Variants in PTPRM observed in about 807,000 individuals in gnomAD.
The protein encoded by PTPRM is receptor-type tyrosine-protein phosphatase mu.
PTPRM carries 47 observed loss-of-function variants against 186.7 expected under a neutral mutation model. The ratio of observed to expected loss-of-function variants is 0.25; its 90% CI spans 0.20 to 0.32. The LOEUF is 0.32. PTPRM is among the 10% of genes least tolerant of loss of function. The probability of loss-of-function intolerance (pLI) is 1.00; values close to 1 mark genes in which losing one functional copy is unlikely to be tolerated. For synonymous variants in PTPRM, 668 were observed against 674.9 expected (o/e 0.99, Z 0.16); for missense variants, 1,494 against 1,865.0 (o/e 0.80, Z 3.66).
chr18:8,299,018 A>G (rs937004326), intron 20 of PTPRM, among the ~76,000 whole-genome samples: 13 of 152,174 alleles, frequency 8.5e-5, no homozygotes, highest in Non-Finnish European at 1.3e-4. Context: ...CAGGAGGCGG[A>G]GGCAGGCAAA....
chr18:7,890,469 A>G (rs1188109588), intron 3 of PTPRM, among the ~76,000 whole-genome samples: 1 of 152,152 alleles, frequency 6.6e-6, no homozygotes, highest in Admixed American at 6.5e-5. Flanking sequence ...TTGTAGGCAT[A>G]TACCTACAAC....
intron 1 of PTPRM, among the ~76,000 whole-genome samples, chr18:7,650,892 T>A (rs2038685498): frequency 6.6e-6 from 1 of 151,298 alleles, no homozygotes; most frequent in African/African-American, 2.4e-5. Context: ...CAATGTAAAA[T>A]GCAAAGTTAT....
chr18:7,883,033 C>T (rs2048586997), intron 2 of PTPRM, among the ~76,000 whole-genome samples: 1 of 152,154 alleles, frequency 6.6e-6, no homozygotes, highest in Admixed American at 6.5e-5. Context: ...TCTTAAGAAG[C>T]TTCTAAGTCT....
chr18:7,701,479 A>G (rs942087458), intron 1 of PTPRM, among the ~76,000 whole-genome samples: 1 of 151,880 alleles, frequency 6.6e-6, no homozygotes, highest in African/African-American at 2.4e-5. Flanking sequence ...GCGTGCGTGT[A>G]GTCCCAGCTA....
chr18:8,017,313 C>T (rs796497293), intron 7 of PTPRM, among the ~76,000 whole-genome samples: 5 of 151,856 alleles, frequency 3.3e-5, no homozygotes, highest in East Asian at 1.9e-4. Context: ...CTGAGGCAGG[C>T]GGATCACAAG....
At chr18:7,691,446 G>GTTCA (rs1568032418) in intron 1 of PTPRM, among the ~76,000 whole-genome samples, 4 of 149,032 alleles carry the variant, frequency 2.7e-5, no homozygotes, top group Non-Finnish European at 4.5e-5. Flanking sequence ...ACCGATGTTT[G>GTTCA]TGGGAGGAGT....
chr18:8,128,571 TG>T (rs1163287996), intron 13 of PTPRM, among the ~76,000 whole-genome samples: 2 of 152,198 alleles, frequency 1.3e-5, no homozygotes, highest in Admixed American at 6.5e-5. Context: ...TTGCCCTTTT[TG>T]TTCTTTTATG....
rs113690903 is a variant in PTPRM at position 7,774,222 on chromosome 18, G to A, written c.147G>A (p.Glu49=). 8.2e-5 allele frequency: 133 copies of A among 1,613,944 alleles called. No individual in the cohort carries two copies. The African/African-American group carries it at 8.9e-4, about 11-fold the overall frequency. ...CTGAAGGTGATGACTTCAATTGGGA[G>A]CAAGTGAACACCTTGACTAAACCGA... ...SQSEGDDFNW[E]QVNTLTKPTS... Residue 49 remains glutamate, a synonymous_variant, in exon 2 of 33, where the codon GAG becomes GAA. Transcript: ENST00000580170.
At chr18:8,034,844 A>G (rs73385656) in intron 7 of PTPRM, among the ~76,000 whole-genome samples, 4,590 of 152,238 alleles carry the variant, frequency 0.03, 213 homozygotes, top group African/African-American at 0.11. Flanking sequence ...ATTCTGTCCA[A>G]GCTGGTAGTG....
chr18:8,348,833 T>A (rs1251909373), intron 23 of PTPRM, among the ~76,000 whole-genome samples: 1 of 152,180 alleles, frequency 6.6e-6, no homozygotes. Flanking sequence ...CCAAATGAGG[T>A]CTCACAGTCA....
At chr18:7,978,710 C>T (rs904382385) in intron 7 of PTPRM, among the ~76,000 whole-genome samples, 4 of 152,108 alleles carry the variant, frequency 2.6e-5, no homozygotes, top group African/African-American at 9.7e-5. Context: ...CAATATTATA[C>T]GTGGCTCTTA....
At chr18:7,977,817 G>C (rs1352388370) in intron 7 of PTPRM, among the ~76,000 whole-genome samples, 2 of 152,152 alleles carry the variant, frequency 1.3e-5, no homozygotes, top group Non-Finnish European at 2.9e-5. Context: ...CTCTGGCCCA[G>C]GAGTCTCCTG....
intron 7 of PTPRM, among the ~76,000 whole-genome samples, chr18:8,031,983 A>G (rs963236470): frequency 6.6e-6 from 1 of 152,222 alleles, no homozygotes; most frequent in African/African-American, 2.4e-5. Flanking sequence ...ATTCAGTATT[A>G]GGGAACTATT....
chr18:8,344,474 A>ATATATATATATATCTC (rs1318982857), intron 23 of PTPRM, among the ~76,000 whole-genome samples: 36 of 147,314 alleles, frequency 2.4e-4, no homozygotes, highest in African/African-American at 7.8e-4. Context: ...ATATATATAT[A>ATATATATATATATCTC]TCTAGCAAAA....
intron 1 of PTPRM, among the ~76,000 whole-genome samples, chr18:7,609,072 T>A (rs2037607924): frequency 6.6e-6 from 1 of 152,244 alleles, no homozygotes; most frequent in Non-Finnish European, 1.5e-5. Context: ...ATGTTTGTGC[T>A]ATTATTAAAT....
intron 32 of PTPRM, among the ~76,000 whole-genome samples, chr18:8,400,143 GC>G: frequency 6.6e-6 from 1 of 152,306 alleles, no homozygotes; most frequent in East Asian, 1.9e-4. Context: ...AACAGGAACA[GC>G]CCCGTCCACC....
intron 1 of PTPRM, among the ~76,000 whole-genome samples, chr18:7,741,016 C>T (rs2040874162): frequency 6.6e-6 from 1 of 152,036 alleles, no homozygotes; most frequent in Non-Finnish European, 1.5e-5. Flanking sequence ...GGCTCACATT[C>T]CTCAGATGAA....
At chr18:7,847,099 A>G (rs951890270) in intron 2 of PTPRM, among the ~76,000 whole-genome samples, 3 of 150,898 alleles carry the variant, frequency 2.0e-5, no homozygotes, top group Non-Finnish European at 4.4e-5. Context: ...GACAAAGAGC[A>G]GAGTGTAGTG....
chr18:7,960,450 C>CAT (rs71354579), intron 7 of PTPRM, among the ~76,000 whole-genome samples: 1,521 of 120,398 alleles, frequency 0.013, 17 homozygotes, highest in Middle Eastern at 0.021. Flanking sequence ...ATATAGGCAA[C>CAT]ATATATATAT....
Sources: gnomAD v4.1 joint callset for allele counts (sites outside exome capture counted in the v4.1 genomes callset) on GRCh38, gnomAD v4.1.1 for gene constraint, MANE v1.5 for transcripts, NCBI Gene and HGNC (gene_info 2026-07-23, HGNC 2026-07-21) for gene names.